TRPC7: variants seen among roughly 807,000 people sequenced by gnomAD.
TRPC7 encodes the protein transient receptor potential cation channel subfamily C member 7.
Under a neutral mutation model 90.1 loss-of-function variants are expected in TRPC7, and 42 were observed. The observed-to-expected ratio is 0.47, with a 90% CI of 0.36 to 0.60. The LOEUF (loss-of-function observed/expected upper bound fraction) is 0.60. Among genes scored for constraint, TRPC7 ranks in the 20% least tolerant of loss-of-function variants. The probability of loss-of-function intolerance (pLI) is 0.00; values close to 1 mark genes in which losing one functional copy is unlikely to be tolerated. For missense variants in TRPC7, 955 were observed against 1,112.3 expected (o/e 0.86, Z 2.01); for synonymous variants, 451 against 436.3 (o/e 1.03, Z -0.42).
At position 136,313,377 on chromosome 5, in the gene TRPC7, G is replaced by GTCTATCTA. The variant is rs79202938; in HGVS notation, c.963+2212_963+2219dup. On this transcript the variant is annotated intron_variant, in intron 3 of 11. Transcript: ENST00000513104. ...AAGCCTGAAGCCTCAGGAGATGTCTGTCTATCTATCTATCTATCTATCTAT... is the reference window on the plus strand; with the variant it reads ...AAGCCTGAAGCCTCAGGAGATGTCTGTCTATCTATCTATCTATCTATCTATCTATCTAT... Among the ~76,000 whole-genome samples the GTCTATCTA allele has an allele frequency of 4.1e-3, 495 of 120,658 alleles. 2 individuals are homozygous for GTCTATCTA. Among genetic ancestry groups the GTCTATCTA allele is most frequent in the Non-Finnish European group, 5.8e-3 (330 of 57,316 alleles). The allele number at this position is 120,658 out of a possible 152,430, so 79.2% of individuals were successfully genotyped here.
At chr5:136,260,444 G>C (rs547615757) in intron 5 of TRPC7, among the ~76,000 whole-genome samples, 1 of 152,176 alleles carries the variant, frequency 6.6e-6, no homozygotes, top group Non-Finnish European at 1.5e-5. Context: ...CTGAGGAGGT[G>C]AGGGAGTGAG....
At chr5:136,303,365 C>T (rs1013908410) in intron 3 of TRPC7, among the ~76,000 whole-genome samples, 7 of 152,140 alleles carry the variant, frequency 4.6e-5, no homozygotes, top group Non-Finnish European at 1.0e-4. Flanking sequence ...AAATTAAATT[C>T]CGGCCCTCAA....
intron 5 of TRPC7, among the ~76,000 whole-genome samples, chr5:136,255,696 C>A (rs1407196274): frequency 6.6e-6 from 1 of 152,214 alleles, no homozygotes; most frequent in Admixed American, 6.5e-5. Flanking sequence ...AATTTGAGCA[C>A]CTACTATGTG....
chr5:136,236,282 C>T (rs1042150095), intron 7 of TRPC7, among the ~76,000 whole-genome samples: 4 of 152,184 alleles, frequency 2.6e-5, no homozygotes, highest in East Asian at 1.9e-4. Context: ...TCCCAGCATA[C>T]GTACAGCCCC....
At chr5:136,251,603 TC>T (rs1174101664) in intron 6 of TRPC7, 45 bp downstream of exon 6, 1 of 1,465,424 alleles carries the variant, frequency 6.8e-7, no homozygotes, top group African/African-American at 1.4e-5. Flanking sequence ...CAGGCCCACG[TC>T]CCGGAAGCGC....
At chr5:136,348,888 A>AT (rs1561729001) in intron 2 of TRPC7, among the ~76,000 whole-genome samples, 2 of 152,098 alleles carry the variant, frequency 1.3e-5, no homozygotes, top group Admixed American at 6.6e-5. Flanking sequence ...CATTGTAATT[A>AT]TTTTTTTCAG....
intron 5 of TRPC7, among the ~76,000 whole-genome samples, chr5:136,257,115 T>A (rs1236917184): frequency 1.3e-5 from 2 of 152,218 alleles, no homozygotes; most frequent in African/African-American, 2.4e-5. Context: ...CAGGGACTAT[T>A]TTAATCAGAA....
At chr5:136,356,464 T>C (rs1285998045) in intron 2 of TRPC7, 144 bp downstream of exon 2, 20 of 799,836 alleles carry the variant, frequency 2.5e-5, no homozygotes, top group Non-Finnish European at 2.8e-5. Flanking sequence ...AAGTGAGATG[T>C]GTTCCCCTCC....
chr5:136,227,711 G>A (rs116126902), intron 8 of TRPC7, among the ~76,000 whole-genome samples: 8 of 152,322 alleles, frequency 5.3e-5, no homozygotes, highest in African/African-American at 1.7e-4. Context: ...CAAAGCACAT[G>A]GGTTCTGCAG....
At chr5:136,354,341 A>AGACCATACAATGTAGG (rs1408692183) in intron 2 of TRPC7, among the ~76,000 whole-genome samples, 2 of 152,206 alleles carry the variant, frequency 1.3e-5, no homozygotes, top group Non-Finnish European at 2.9e-5. Flanking sequence ...TTTTCAGATG[A>AGACCATACAATGTAGG]GACCATACAA....
intron 3 of TRPC7, among the ~76,000 whole-genome samples, chr5:136,275,570 T>G (rs1757340380): frequency 6.8e-6 from 1 of 147,056 alleles, no homozygotes; most frequent in Non-Finnish European, 1.5e-5. Context: ...GTAGCTTCCT[T>G]CTGGGACATC....
chr5:136,293,871 C>A (rs551307311), intron 3 of TRPC7, among the ~76,000 whole-genome samples: 1 of 152,136 alleles, frequency 6.6e-6, no homozygotes, highest in African/African-American at 2.4e-5. Context: ...GGAGGCATCA[C>A]GCTACCTGAC....
intron 9 of TRPC7, among the ~76,000 whole-genome samples, 187 bp downstream of exon 9, chr5:136,225,847 C>T (rs867939651): frequency 3.9e-5 from 6 of 152,122 alleles, no homozygotes; most frequent in African/African-American, 2.4e-5. Flanking sequence ...GAGGGTATCA[C>T]AGTAGCCTCT....
intron 6 of TRPC7, among the ~76,000 whole-genome samples, chr5:136,248,291 C>T (rs1195856032): frequency 6.6e-6 from 1 of 152,220 alleles, no homozygotes; most frequent in Non-Finnish European, 1.5e-5. Flanking sequence ...ACTAACTAAC[C>T]TTTTGAGCTT....
In TRPC7 at chr5:136,225,347, C is replaced by T. The variant is rs567504665; in HGVS notation, c.2270G>A (p.Arg757His). 15 of 1,611,634 alleles carry T rather than the reference C, an allele frequency of 9.3e-6. No homozygotes were observed. The highest frequency in any genetic ancestry group is 3.3e-5 in the South Asian group (3 of 90,548). ...AGAATTCCTCATGCCAGCCTGGTAG[C>T]GAGTCTTCTGGATAAAACAAACAAA... ...GMLNSKFKKT[R>H]YQAGMRNSEN... is the part of the protein sequence containing the mutation. Residue 757 changes from arginine (R) to histidine (H), a missense_variant, in exon 10 of 12, where the codon CGC becomes CAC. Arg to His is a conservative substitution (Grantham distance 29). Coordinates refer to ENST00000513104, the MANE Select transcript of TRPC7 (RefSeq NM_020389.3).
At chr5:136,249,483 G>T (rs566169075) in intron 6 of TRPC7, among the ~76,000 whole-genome samples, 38 of 152,108 alleles carry the variant, frequency 2.5e-4, no homozygotes, top group Non-Finnish European at 5.0e-4. Flanking sequence ...TAAATATTTG[G>T]ATAAGATAAA....
rs17762179 is a variant in TRPC7 at position 136,277,237 on chromosome 5, G to T, written c.964-2400C>A. The stretch of plus-strand genomic sequence containing the variant: ...CCACTCTCCCTTGCTTGCCTCAGAG[G>T]AAGACAGTGGTCCCAGCTAAAACAG... On this transcript the variant is annotated intron_variant, in intron 3 of 11. Coordinates refer to ENST00000513104, the MANE Select transcript of TRPC7 (RefSeq NM_020389.3). Among the ~76,000 whole-genome samples the T allele has an allele frequency of 5.9e-3, 903 of 152,338 alleles. 4 individuals carry two copies. Among genetic ancestry groups the T allele is most frequent in the Non-Finnish European group, 0.01 (696 of 68,026 alleles).
At chr5:136,302,120 G>A (rs1758417632) in intron 3 of TRPC7, among the ~76,000 whole-genome samples, 1 of 152,172 alleles carries the variant, frequency 6.6e-6, no homozygotes, top group Admixed American at 6.5e-5. Flanking sequence ...AGACAAAGGA[G>A]ACATGTTTTA....
intron 2 of TRPC7, among the ~76,000 whole-genome samples, chr5:136,344,826 A>G (rs1247845089): frequency 6.6e-6 from 1 of 152,222 alleles, no homozygotes; most frequent in African/African-American, 2.4e-5. Context: ...CACTAAGAGA[A>G]TGAGCCAGTC....
Sources: allele counts gnomAD v4.1 joint callset (sites outside exome capture counted in the v4.1 genomes callset), GRCh38; gene constraint gnomAD v4.1.1; transcripts MANE v1.5; gene names NCBI Gene and HGNC (gene_info 2026-07-23, HGNC 2026-07-21).